The following NOTCH1 variants were observed in gnomAD, a reference collection of about 807,000 sequenced individuals.
NOTCH1 encodes the protein notch receptor 1.
A neutral mutation model predicts 254.8 loss-of-function variants in NOTCH1; 37 were observed. The observed-to-expected ratio is 0.15, with a 90% confidence interval of 0.11 to 0.19. NOTCH1 has a LOEUF of 0.19. Ranked by LOEUF, NOTCH1 falls within the 10% of genes least tolerant of loss-of-function variation. The probability of loss-of-function intolerance (pLI) is 1.00; values close to 1 mark genes in which losing one functional copy is unlikely to be tolerated. For synonymous variants in NOTCH1, 1,731 were observed against 1,618.1 expected (o/e 1.07, Z -1.68); for missense variants, 2,972 against 3,708.6 (o/e 0.80, Z 5.16).
Position 136,494,646 on chromosome 9 carries a change from C to G in NOTCH1, c.*1425G>C. The G allele has an allele frequency of 2.5e-6, 1 of 398,810 alleles. No homozygotes were observed. The highest frequency in any genetic ancestry group is 4.4e-6 in the Non-Finnish European group (1 of 226,044). The allele number at this position is 398,810 out of a possible 1,614,324, so 24.7% of individuals were successfully genotyped here. A position where few individuals can be genotyped will look rare whatever the true frequency, so the allele number is the denominator to read the frequency against. ...TGGCACCACGCGGCCCCCGTAGAGC[C>G]GGGGGAGGCTGCCCTGAGGAGTGCA... On this transcript the variant is annotated 3_prime_UTR_variant, in exon 34 of 34. Transcript: ENST00000651671.
chr9:136,498,532 C>T (rs1207691117), intron 33 of NOTCH1, among the ~76,000 whole-genome samples: 7 of 152,206 alleles, frequency 4.6e-5, no homozygotes, highest in African/African-American at 1.7e-4. Flanking sequence ...CGCCTGGTGA[C>T]AGCTGGGGAC....
chr9:136,524,887 C>T (rs570781457), intron 2 of NOTCH1, among the ~76,000 whole-genome samples: 7 of 152,220 alleles, frequency 4.6e-5, no homozygotes, highest in African/African-American at 1.4e-4. Flanking sequence ...CTGCCCGCCT[C>T]GGCCTCCCAA....
At chr9:136,529,271 T>A (rs1843521355) in intron 2 of NOTCH1, among the ~76,000 whole-genome samples, 1 of 152,190 alleles carries the variant, frequency 6.6e-6, no homozygotes, top group South Asian at 2.1e-4. Flanking sequence ...AGGCCAGACC[T>A]GGGTGGGGAT....
Position 136,545,877 on chromosome 9 carries a change from G to C in NOTCH1, c.-91C>G, listed in dbSNP as rs1331677142. On this transcript the variant is annotated 5_prime_UTR_variant, in exon 1 of 34. Transcript: ENST00000651671. This position sits in a 1 kb window ranked among gnomAD's most constrained non-coding sequence, Gnocchi z 6.8. Reference sequence around the variant, plus strand: ...CGCACACGCGCGGCGTACGGTCCCGGGGCGGCGGCGGACGGTCCCGCCCTC... The same window carrying C: ...CGCACACGCGCGGCGTACGGTCCCGCGGCGGCGGCGGACGGTCCCGCCCTC... The C allele has an allele frequency of 6.6e-6, 4 of 609,652 alleles. No homozygotes were observed. Among genetic ancestry groups the C allele is most frequent in the African/African-American group, 5.9e-5 (3 of 50,516 alleles). 37.8% of individuals were successfully genotyped at this position (609,652 alleles called of 1,614,324 possible).
intron 7 of NOTCH1, 63 bp downstream of exon 7, chr9:136,518,074 C>T (rs960121587): frequency 5.9e-5 from 92 of 1,551,266 alleles, no homozygotes; most frequent in Middle Eastern, 1.9e-4. Context: ...GAATCGACTT[C>T]TCATCGGTTC....
rs1842916834 is a variant in NOTCH1, at chr9:136,496,501, G to A, written c.7238C>T (p.Pro2413Leu). 3.1e-6 allele frequency: 5 copies of A among 1,602,420 alleles called. No homozygotes were observed. Among genetic ancestry groups the A allele is most frequent in the Non-Finnish European group, 4.2e-6 (5 of 1,179,904 alleles). Residue 2413 changes from proline (P) to leucine (L), a missense_variant, in exon 34 of 34, where the codon CCA becomes CTA. Physicochemically the swap from Pro to Leu is moderately conservative, Grantham distance 98 (BLOSUM62 -3). Around this residue, in one of 8 missense-constraint regions of NOTCH1, gnomAD observed 529 missense variants for 529.2 expected, o/e 1.00. Transcript: ENST00000651671. ...CACGCCAAGGTGCGGCTGTGGTGGT[G>A]GTGGTGGCGGCTGCAGGCTTTGCTG... is the stretch of plus-strand genomic sequence containing the variant. ...QQQQSLQPPPPPPQPHLGVSS... is the reference protein window; with the variant it reads ...QQQQSLQPPPLPPQPHLGVSS...
intron 10 of NOTCH1, 33 bp downstream of exon 10, chr9:136,515,946 CCA>C (rs758567805): frequency 5.8e-6 from 9 of 1,547,590 alleles, no homozygotes; most frequent in Non-Finnish European, 8.0e-6. Context: ...TGTCCCGTCC[CCA>C]GTCCCTCCCC....
chr9:136,524,216 G>A (rs1843423378), intron 2 of NOTCH1, among the ~76,000 whole-genome samples: 1 of 152,202 alleles, frequency 6.6e-6, no homozygotes, highest in Admixed American at 6.5e-5. Context: ...TGAAGCAGGA[G>A]AATCACTTGA....
chr9:136,505,929 C>T (rs1194006341), intron 24 of NOTCH1, 48 bp from the exon 25 acceptor site: 7 of 1,476,120 alleles, frequency 4.7e-6, no homozygotes, highest in East Asian at 2.4e-5. Flanking sequence ...CCACCCCCCG[C>T]CCCCCCGCCA....
intron 2 of NOTCH1, among the ~76,000 whole-genome samples, chr9:136,527,974 C>T (rs1030681535): frequency 6.6e-6 from 1 of 152,118 alleles, no homozygotes; most frequent in Non-Finnish European, 1.5e-5. Flanking sequence ...CATGGAAATG[C>T]GACTCCAGAA....
At position 136,517,918 on chromosome 9, in the gene NOTCH1, A is replaced by G. The variant is rs1443278185; in HGVS notation, c.1275T>C (p.His425=). ...ECSLGANPCE[H]AGKCINTLGS... ...CCAGCGTGTTGATGCACTTGCCCGCATGCTCGCAGGGGTTGGCACCTGGCG... is the reference window on the plus strand; with the variant it reads ...CCAGCGTGTTGATGCACTTGCCCGCGTGCTCGCAGGGGTTGGCACCTGGCG... The change falls in exon 8 of 34, where the codon CAT becomes CAC. Residue 425 remains histidine, a synonymous_variant. Transcript: ENST00000651671. The G allele has an allele frequency of 1.9e-6, 3 of 1,611,312 alleles. No homozygotes were observed. Among genetic ancestry groups the G allele is most frequent in the Admixed American group, 3.3e-5 (2 of 59,968 alleles).
chr9:136,539,727 G>T (rs573023452), intron 2 of NOTCH1, among the ~76,000 whole-genome samples: 13 of 152,284 alleles, frequency 8.5e-5, no homozygotes, highest in Non-Finnish European at 4.4e-5. Context: ...CCTGTCACAG[G>T]CCTTTCCGCT....
intron 21 of NOTCH1, 34 bp downstream of exon 21, chr9:136,507,921 C>A: frequency 6.2e-7 from 1 of 1,607,022 alleles, no homozygotes; most frequent in South Asian, 1.1e-5. Context: ...ACACTCGTGC[C>A]GGCCACAACC....
Position 136,498,954 on chromosome 9 carries a change from T to G in NOTCH1, c.6125A>C (p.Asp2042Ala). 1 of 1,613,712 alleles carries G rather than the reference T, an allele frequency of 6.2e-7. No homozygotes were observed. The highest frequency in any genetic ancestry group is 1.1e-5 in the South Asian group (1 of 91,090). ...GTTCTTCAGGAGCACAACTGCGGCATCCACATTGTTCACGGCGGCGGCCCA... is the reference window on the plus strand; with the variant it reads ...GTTCTTCAGGAGCACAACTGCGGCAGCCACATTGTTCACGGCGGCGGCCCA... The part of the protein sequence containing the change: ...LHWAAAVNNV[D>A]AAVVLLKNGA... The change falls in exon 33 of 34, where the codon GAT (aspartate) becomes GCT (alanine). Residue 2042 changes from aspartate (D) to alanine (A), a missense_variant. Physicochemically the swap from Asp to Ala is moderately radical, Grantham distance 126. Around this residue, in one of 8 missense-constraint regions of NOTCH1, gnomAD observed 421 missense variants for 604.4 expected, o/e 0.70. Transcript: ENST00000651671.
chr9:136,528,417 C>A (rs796830297), intron 2 of NOTCH1, among the ~76,000 whole-genome samples: 51 of 2,886 alleles, frequency 0.018, no homozygotes, highest in African/African-American at 0.048. Context: ...AGGGACAGTG[C>A]GGGGGGGATG....
rs1453824070 is a variant in NOTCH1, at chr9:136,515,546, G to A, written c.1840C>T (p.His614Tyr). ...TCGCGGTCCTGGCAGGTGCCCCCGT[G>A]GCGGCAGGGCTGGCTGGAGCACTCG... Reference protein sequence around the residue: ...INECSSQPCRHGGTCQDRDNA... With the variant: ...INECSSQPCRYGGTCQDRDNA... Residue 614 changes from histidine to tyrosine, a missense_variant, in exon 11 of 34, where the codon CAC becomes TAC. By Grantham distance (83) the His-to-Tyr change is moderately conservative. Transcript: ENST00000651671. 6.2e-7 allele frequency: 1 copy of A among 1,611,616 alleles called. No homozygotes were observed. The highest frequency in any genetic ancestry group is 1.7e-5 in the Admixed American group (1 of 60,012).
chr9:136,543,685 C>T, intron 2 of NOTCH1: 1 of 455,650 alleles, frequency 2.2e-6, no homozygotes, highest in South Asian at 2.1e-5. Flanking sequence ...CTGGGCCTCT[C>T]AGTAAATGGT....
chr9:136,524,400 G>A (rs1226659630), intron 2 of NOTCH1, among the ~76,000 whole-genome samples: 1 of 152,240 alleles, frequency 6.6e-6, no homozygotes, highest in Non-Finnish European at 1.5e-5. Context: ...CACAGCCCGG[G>A]CAGGGGTCTG....
chr9:136,513,143 A>G lies in NOTCH1; in HGVS notation c.2354-9T>C. ...GGTCTGGCAGTTGGGACCTGGAGGG[A>G]AGGGGACAGCACTCGGCATGTCCAG... On this transcript the variant is annotated splice_polypyrimidine_tract_variant and intron_variant, in intron 14 of 33. Transcript: ENST00000651671. This position sits in a 1 kb window ranked among gnomAD's most constrained non-coding sequence, Gnocchi z 4.7. The G allele has an allele frequency of 1.2e-6, 2 of 1,607,330 alleles. No individual in the cohort carries two copies. Among genetic ancestry groups the G allele is most frequent in the Non-Finnish European group, 1.7e-6 (2 of 1,175,128 alleles).
Sources: gnomAD v4.1 joint callset for allele counts (sites outside exome capture counted in the v4.1 genomes callset) on GRCh38, gnomAD v4.1.1 for gene constraint, gnomAD v4.1.1 regional missense constraint, Gnocchi (gnomAD v3.1) non-coding constraint, MANE v1.5 for transcripts, NCBI Gene and HGNC (gene_info 2026-07-23, HGNC 2026-07-21) for gene names.